The following OPCML variants were observed in gnomAD, a reference collection of about 807,000 sequenced individuals.
OPCML encodes opioid-binding protein/cell adhesion molecule.
Under a neutral mutation model 37.8 loss-of-function variants are expected in OPCML, and 13 were observed. The observed-to-expected ratio is 0.34, with a 90% CI of 0.22 to 0.55. The LOEUF is 0.55. OPCML is among the 20% of genes least tolerant of loss of function. The pLI, the probability that OPCML is intolerant of heterozygous loss-of-function variation, is 0.91. For synonymous variants in OPCML, 176 were observed against 168.8 expected, an observed-to-expected ratio of 1.04 and a Z score of -0.33; for missense variants, 341 against 435.6, an observed-to-expected ratio of 0.78 and a Z score of 1.93.
At chr11:132,666,694 A>T (rs1942239592) in intron 2 of OPCML, among the ~76,000 whole-genome samples, 1 of 152,210 alleles carries the variant, frequency 6.6e-6, no homozygotes, top group South Asian at 2.1e-4. Flanking sequence ...GTACTGATAG[A>T]GTCTTAGATA....
chr11:132,490,973 C>T (rs59781440), intron 4 of OPCML, among the ~76,000 whole-genome samples: 5,077 of 151,888 alleles, frequency 0.033, 294 homozygotes, highest in African/African-American at 0.12. Flanking sequence ...TGCACAGGAA[C>T]TCAGTTCAAA....
intron 3 of OPCML, among the ~76,000 whole-genome samples, chr11:132,636,535 G>A (rs1003967316): frequency 3.9e-5 from 6 of 152,192 alleles, no homozygotes; most frequent in African/African-American, 7.2e-5. Context: ...ATGTCCAAGC[G>A]AATAAGCCTT....
intron 2 of OPCML, among the ~76,000 whole-genome samples, chr11:132,843,726 A>G (rs780864047): frequency 2.0e-5 from 3 of 152,216 alleles, no homozygotes; most frequent in Non-Finnish European, 4.4e-5. Flanking sequence ...GAAGGTCTGT[A>G]TGTGTTAGAA....
chr11:132,907,182 T>C (rs1944271747), intron 2 of OPCML, among the ~76,000 whole-genome samples: 2 of 152,292 alleles, frequency 1.3e-5, no homozygotes, highest in South Asian at 4.1e-4. Context: ...CCGCAGCTCC[T>C]TTTGCAATAT....
chr11:133,212,572 C>T lies in OPCML; in HGVS notation c.62-269562G>A, dbSNP rs1939408221. 6.6e-6 allele frequency among the ~76,000 whole-genome samples: 1 copy of T among 152,226 alleles called. No individual in the cohort carries two copies. The highest frequency in any genetic ancestry group is 2.4e-5 in the African/African-American group (1 of 41,462). On this transcript the variant is annotated intron_variant, in intron 1 of 7. Transcript: ENST00000524381. This position sits in a 1 kb window ranked among gnomAD's most constrained non-coding sequence, Gnocchi z 4.9. ...CTGCTCACCCCGCTGCACTCTTGAT[C>T]TCCCTTACTCTCTTTTACTTTCTCA...
At chr11:133,264,403 C>T (rs1592150806) in intron 1 of OPCML, among the ~76,000 whole-genome samples, 1 of 152,182 alleles carries the variant, frequency 6.6e-6, no homozygotes, top group African/African-American at 2.4e-5. Flanking sequence ...AGTGAATTCT[C>T]AAGAGGGAAG....
In OPCML at chr11:132,717,156, T is replaced by C. The variant is rs1432389556; in HGVS notation, c.147-59837A>G. ...TGTTGAATTGGACTATTGTTCATAG[T>C]TGACATATACACAAGCTATTGTGAC... On this transcript the variant is annotated intron_variant, in intron 2 of 7. Coordinates refer to ENST00000524381, the MANE Select transcript of OPCML (RefSeq NM_001012393.5). Among the ~76,000 whole-genome samples the C allele has an allele frequency of 5.9e-5, 9 of 152,330 alleles. No homozygotes were observed. In the South Asian group the frequency reaches 1.9e-3, roughly 32 times the overall value.
At chr11:132,841,688 C>T (rs1403215496) in intron 2 of OPCML, among the ~76,000 whole-genome samples, 2 of 151,622 alleles carry the variant, frequency 1.3e-5, no homozygotes, top group East Asian at 3.9e-4. Flanking sequence ...TGGTGAAACC[C>T]CATCTCTCCT....
rs147891396 is a variant in OPCML, at chr11:132,454,864, T to G, written c.506-17505A>C. ...CCTAGAAGGGATGTGATTTTCAGTC[T>G]AAAATGTCAATTTATTTTTTTCAGT... On this transcript the variant is annotated intron_variant, in intron 4 of 7. Transcript: ENST00000524381. Among the ~76,000 whole-genome samples the G allele has an allele frequency of 6.9e-3, 1,047 of 152,330 alleles. 7 individuals are homozygous for G. The highest frequency in any genetic ancestry group is 0.024 in the African/African-American group (1,004 of 41,572).
chr11:133,197,809 C>T (rs1162227261), intron 1 of OPCML, among the ~76,000 whole-genome samples: 2 of 152,160 alleles, frequency 1.3e-5, no homozygotes, highest in East Asian at 1.9e-4. Context: ...ATGGAACAAG[C>T]GTGATCCGAG....
intron 1 of OPCML, among the ~76,000 whole-genome samples, chr11:133,040,480 T>A (rs1403374472): frequency 6.6e-6 from 1 of 152,204 alleles, no homozygotes; most frequent in Non-Finnish European, 1.5e-5. Flanking sequence ...TCCTTCCAAA[T>A]GGAATGTCCA....
intron 3 of OPCML, among the ~76,000 whole-genome samples, chr11:132,570,799 A>G (rs1289976863): frequency 4.5e-5 from 5 of 112,116 alleles, no homozygotes; most frequent in African/African-American, 1.9e-4. Context: ...ATATATATAT[A>G]TATTTAGAGA....
At chr11:133,327,802 G>C (rs1430011049) in intron 1 of OPCML, among the ~76,000 whole-genome samples, 1 of 152,104 alleles carries the variant, frequency 6.6e-6, no homozygotes, top group Non-Finnish European at 1.5e-5. Context: ...GGGACCCTGG[G>C]TACAGCTACT....
intron 1 of OPCML, among the ~76,000 whole-genome samples, chr11:133,175,708 G>A (rs7115383): frequency 0.15 from 22,188 of 148,816 alleles, 1,751 homozygotes; most frequent in African/African-American, 0.21. Flanking sequence ...TAGATGATCC[G>A]CATTAGATAT....
chr11:132,946,225 A>C (rs1945742231), intron 1 of OPCML, among the ~76,000 whole-genome samples: 1 of 152,214 alleles, frequency 6.6e-6, no homozygotes, highest in East Asian at 1.9e-4. Flanking sequence ...AATAACATGC[A>C]CGGAGCTGTC....
chr11:133,291,602 T>C (rs1319542162), intron 1 of OPCML, among the ~76,000 whole-genome samples: 2 of 152,186 alleles, frequency 1.3e-5, no homozygotes, highest in African/African-American at 4.8e-5. Context: ...TTCTACCCAT[T>C]ATTCCATCTC....
intron 2 of OPCML, among the ~76,000 whole-genome samples, chr11:132,927,693 G>A (rs1025396001): frequency 1.3e-5 from 2 of 152,054 alleles, no homozygotes; most frequent in African/African-American, 4.8e-5. Flanking sequence ...CTGTATTATT[G>A]TCATTTTAGT....
intron 1 of OPCML, among the ~76,000 whole-genome samples, chr11:133,191,502 TGG>T (rs369470685): frequency 0.042 from 4,996 of 119,196 alleles, 127 homozygotes; most frequent in African/African-American, 0.094. Context: ...TCTGTGTGTG[TGG>T]GTGTGTGTGT....
chr11:133,147,003 A>G (rs1378217388), intron 1 of OPCML, among the ~76,000 whole-genome samples: 4 of 152,188 alleles, frequency 2.6e-5, no homozygotes, highest in Admixed American at 6.5e-5. Flanking sequence ...GGAGACTCCA[A>G]TGAATGAAGC....
Sources: allele counts gnomAD v4.1 joint callset (sites outside exome capture counted in the v4.1 genomes callset), GRCh38; gene constraint gnomAD v4.1.1; non-coding constraint Gnocchi (gnomAD v3.1); transcripts MANE v1.5; gene names NCBI Gene and HGNC (gene_info 2026-07-23, HGNC 2026-07-21).